Variants in ABI3BP observed in about 807,000 individuals in gnomAD.
ABI3BP encodes the protein ABI family member 3 binding protein.
In ABI3BP, 216 loss-of-function variants were observed where a neutral mutation model predicts 268.6. The ratio of observed to expected loss-of-function variants is 0.80; its 90% confidence interval spans 0.72 to 0.90. ABI3BP has a LOEUF of 0.90. Ranked by LOEUF, ABI3BP falls within the 40% of genes least tolerant of loss-of-function variation. The pLI, the probability that ABI3BP is intolerant of heterozygous loss-of-function variation, is 0.00. For missense variants in ABI3BP, 2,090 were observed against 2,182.4 expected (o/e 0.96, Z 0.84); for synonymous variants, 730 against 730.0 (o/e 1.00, Z 0.00).
chr3:100,830,861 G>A (rs12489798), intron 31 of ABI3BP, among the ~76,000 whole-genome samples: 9,553 of 152,110 alleles, frequency 0.063, 544 homozygotes, highest in African/African-American at 0.14. Flanking sequence ...GGACTTCGCT[G>A]AGCATCTCAC....
At chr3:100,841,361 C>T (rs1215109261) in intron 21 of ABI3BP, among the ~76,000 whole-genome samples, 1 of 151,452 alleles carries the variant, frequency 6.6e-6, no homozygotes, top group Non-Finnish European at 1.5e-5. Flanking sequence ...AGAAAAACAC[C>T]TCCAAAAGAG....
intron 1 of ABI3BP, among the ~76,000 whole-genome samples, chr3:100,966,121 T>C (rs2081212880): frequency 6.6e-6 from 1 of 152,210 alleles, no homozygotes; most frequent in South Asian, 2.1e-4. Context: ...TTCTCTAACC[T>C]GAAGTGGTCA....
Position 100,751,534 on chromosome 3 carries a change from G to A in ABI3BP, c.5245+18C>T. 6.4e-7 allele frequency: 1 copy of A among 1,567,036 alleles called. No individual in the cohort carries two copies. Among genetic ancestry groups the A allele is most frequent in the South Asian group, 1.2e-5 (1 of 83,022 alleles). The stretch of plus-strand genomic sequence containing the variant: ...ATCTGTAAAACTCTGTTCTTATGAG[G>A]AGGATCAGAAAACATACCTTCTTTG... On this transcript the variant is annotated intron_variant, in intron 67 of 67. Transcript: ENST00000471714.
intron 9 of ABI3BP, 22 bp from the exon 10 acceptor site, chr3:100,866,978 A>G (rs776694780): frequency 2.4e-5 from 38 of 1,600,872 alleles, no homozygotes; most frequent in Non-Finnish European, 2.9e-5. Context: ...GAGAACAAAC[A>G]ATTTATCTCA....
chr3:100,938,084 G>A (rs2067083673), intron 1 of ABI3BP, among the ~76,000 whole-genome samples: 1 of 152,022 alleles, frequency 6.6e-6, no homozygotes, highest in African/African-American at 2.4e-5. Flanking sequence ...TTATAAGTGG[G>A]GGCTAAACGA....
At chr3:100,878,036 T>C (rs940889415) in intron 6 of ABI3BP, among the ~76,000 whole-genome samples, 2 of 152,206 alleles carry the variant, frequency 1.3e-5, no homozygotes, top group Admixed American at 1.3e-4. Context: ...AGATTATTTT[T>C]TTAAAGGGGT....
intron 6 of ABI3BP, among the ~76,000 whole-genome samples, chr3:100,877,346 G>A (rs1437444683): frequency 5.3e-5 from 8 of 152,088 alleles, no homozygotes; most frequent in South Asian, 2.1e-4. Context: ...AGCTCCCAAC[G>A]CCAAGCACTT....
intron 32 of ABI3BP, 110 bp from the exon 33 acceptor site, chr3:100,829,774 T>G (rs1285003885): frequency 4.8e-6 from 4 of 830,912 alleles, no homozygotes; most frequent in African/African-American, 1.7e-5. Flanking sequence ...CTTTTGGGTT[T>G]GAAATATTTG....
At chr3:100,958,329 G>C (rs188700529) in intron 1 of ABI3BP, among the ~76,000 whole-genome samples, 34 of 152,304 alleles carry the variant, frequency 2.2e-4, no homozygotes, top group Non-Finnish European at 4.1e-4. Context: ...CAAAGCAACA[G>C]TTTGAACAAG....
chr3:100,945,677 C>G (rs754888250), intron 1 of ABI3BP: 12 of 438,544 alleles, frequency 2.7e-5, no homozygotes, highest in Non-Finnish European at 4.1e-5. Context: ...CTTTTATTTG[C>G]TAAATAGAAT....
At chr3:100,812,070 A>G (rs938960058) in intron 46 of ABI3BP, among the ~76,000 whole-genome samples, 3 of 150,150 alleles carry the variant, frequency 2.0e-5, no homozygotes, top group African/African-American at 7.3e-5. Flanking sequence ...GGAACAAAGC[A>G]GATAATTCCA....
chr3:100,909,461 C>T (rs1026546518), intron 2 of ABI3BP, among the ~76,000 whole-genome samples: 2 of 151,628 alleles, frequency 1.3e-5, no homozygotes, highest in Non-Finnish European at 2.9e-5. Context: ...AAAGAAACTA[C>T]CATCAGAGTG....
chr3:100,900,774 G>T (rs780673187), intron 3 of ABI3BP, among the ~76,000 whole-genome samples: 4 of 152,066 alleles, frequency 2.6e-5, no homozygotes, highest in Non-Finnish European at 5.9e-5. Context: ...AATTATATCC[G>T]CTATCCAAAA....
chr3:100,879,397 CACTT>C (rs2099202130), intron 6 of ABI3BP, among the ~76,000 whole-genome samples: 2 of 152,340 alleles, frequency 1.3e-5, no homozygotes, highest in South Asian at 4.1e-4. Flanking sequence ...CATCTCCTGT[CACTT>C]AGTGCACATT....
At chr3:100,835,510 T>C (rs944847458) in intron 28 of ABI3BP, 91 bp downstream of exon 28, 19 of 950,702 alleles carry the variant, frequency 2.0e-5, no homozygotes, top group Middle Eastern at 2.3e-4. Context: ...GAAAATCTTA[T>C]GAAAGAAAAA....
intron 3 of ABI3BP, among the ~76,000 whole-genome samples, chr3:100,901,868 T>G (rs2050583954): frequency 6.6e-6 from 1 of 152,208 alleles, no homozygotes; most frequent in Admixed American, 6.5e-5. Context: ...AGCTTCTTCC[T>G]TATAGCAATG....
At chr3:100,786,869 A>G (rs2097064347) in intron 57 of ABI3BP, among the ~76,000 whole-genome samples, 1 of 152,204 alleles carries the variant, frequency 6.6e-6, no homozygotes, top group Non-Finnish European at 1.5e-5. Flanking sequence ...AGAAATTCAG[A>G]GACTGTAATA....
intron 1 of ABI3BP, among the ~76,000 whole-genome samples, chr3:100,936,941 C>G (rs80023509): frequency 2.6e-5 from 4 of 151,960 alleles, no homozygotes; most frequent in Non-Finnish European, 5.9e-5. Flanking sequence ...CCTGGATTCA[C>G]TGAGATTTTG....
At position 100,822,607 on chromosome 3, in the gene ABI3BP, C is replaced by T. The variant is rs1468572983; in HGVS notation, c.2869G>A (p.Ala957Thr). The T allele has an allele frequency of 2.6e-6, 4 of 1,536,388 alleles. No individual in the cohort carries two copies. In the South Asian group the frequency reaches 3.6e-5, roughly 14 times the overall value. The change falls in exon 38 of 68, where the codon GCA becomes ACA. Residue 957 changes from alanine to threonine, a missense_variant. Physicochemically the swap from Ala to Thr is moderately conservative, Grantham distance 58. Transcript: ENST00000471714. ...LRTKTTPRPE[A>T]PESKPVPTAE... Reference sequence around the variant, plus strand: ...AGTTTACCTGGTTTGGATTCAGGTGCTTCAGGACGTGGTGTGGTTTTTGTT... The same window carrying T: ...AGTTTACCTGGTTTGGATTCAGGTGTTTCAGGACGTGGTGTGGTTTTTGTT...
Sources: allele counts gnomAD v4.1 joint callset (sites outside exome capture counted in the v4.1 genomes callset), GRCh38; gene constraint gnomAD v4.1.1; transcripts MANE v1.5; gene names NCBI Gene and HGNC (gene_info 2026-07-23, HGNC 2026-07-21).